Variants in C4orf51 observed in about 807,000 individuals in gnomAD.
C4orf51 encodes uncharacterized protein C4orf51.
C4orf51 carries 25 observed loss-of-function variants against 25.2 expected under a neutral mutation model. That is an observed-to-expected ratio of 0.99 (90% CI 0.72 to 1.39). The LOEUF (loss-of-function observed/expected upper bound fraction) is 1.39. Ranked by LOEUF, C4orf51 falls within the 40% of genes most tolerant of loss-of-function variation. C4orf51 has a pLI of 0.00. For missense variants in C4orf51, 252 were observed against 239.6 expected (o/e 1.05, Z -0.34); for synonymous variants, 100 against 84.5 (o/e 1.18, Z -1.01).
rs773362843 is a variant in C4orf51 at position 145,765,129 on chromosome 4, G to A, written n.167-5859G>A. Reference sequence around the variant, plus strand: ...CAGATGACGCTCAAACATGTTCTTCGTCTTGCAGACAAAGTTGCAAAAAAC... The same window carrying A: ...CAGATGACGCTCAAACATGTTCTTCATCTTGCAGACAAAGTTGCAAAAAAC... On this transcript the variant is annotated intron_variant and non_coding_transcript_variant, in intron 1 of 1. Coordinates refer to the C4orf51 transcript ENST00000510096. The surrounding 1 kb of genome is among the most constrained non-coding windows in gnomAD (Gnocchi z 4.7). The A allele has an allele frequency of 2.5e-6, 4 of 1,613,496 alleles. No individual in the cohort carries two copies. The highest frequency in any genetic ancestry group is 1.7e-6 in the Non-Finnish European group (2 of 1,179,760).
intron 1 of C4orf51, among the ~76,000 whole-genome samples, chr4:145,684,826 T>G (rs1729047607): frequency 6.6e-6 from 1 of 152,088 alleles, no homozygotes; most frequent in Non-Finnish European, 1.5e-5. Context: ...GAAGGCTGGC[T>G]TTAAATGGGA....
chr4:145,780,824 G>T, the C4orf51 span, among the ~76,000 whole-genome samples: 2 of 152,144 alleles, frequency 1.3e-5, no homozygotes, highest in African/African-American at 2.4e-5. Flanking sequence ...TCTCCTTAAA[G>T]CTCAGTACTG....
chr4:145,729,596 C>T (rs765484977), intron 4 of C4orf51, among the ~76,000 whole-genome samples: 4 of 152,136 alleles, frequency 2.6e-5, no homozygotes, highest in Admixed American at 6.6e-5. Context: ...CCACCATGCC[C>T]GGTCCTTTCA....
At chr4:145,750,375 A>C (rs1347952489) in intron 1 of C4orf51, among the ~76,000 whole-genome samples, 1 of 150,780 alleles carries the variant, frequency 6.6e-6, no homozygotes, top group Non-Finnish European at 1.5e-5. Flanking sequence ...TCATGTTTGA[A>C]GGATATTTTC....
chr4:145,730,059 G>A, intron 5 of C4orf51, 94 bp downstream of exon 5: 1 of 1,001,986 alleles, frequency 1.0e-6, no homozygotes, highest in Non-Finnish European at 1.6e-6. Context: ...AGGGGTGGTG[G>A]CCTGTGTATG....
intron 1 of C4orf51, among the ~76,000 whole-genome samples, chr4:145,743,950 A>T (rs994045061): frequency 6.6e-6 from 1 of 152,154 alleles, no homozygotes; most frequent in Non-Finnish European, 1.5e-5. Context: ...CCACAGTTAG[A>T]ATCTGTCATT....
At chr4:145,764,009 T>C (rs1436798432) in intron 1 of C4orf51, among the ~76,000 whole-genome samples, 1 of 152,112 alleles carries the variant, frequency 6.6e-6, no homozygotes, top group Non-Finnish European at 1.5e-5. Context: ...GTCTTTTCCA[T>C]CTCTCCCTTC....
At chr4:145,714,271 A>G (rs922515038) in intron 2 of C4orf51, among the ~76,000 whole-genome samples, 6 of 152,218 alleles carry the variant, frequency 3.9e-5, no homozygotes, top group African/African-American at 1.4e-4. Flanking sequence ...ATACGATGCT[A>G]TAGAGTACAT....
intron 1 of C4orf51, among the ~76,000 whole-genome samples, chr4:145,742,532 G>GTTTTTTTTTTT (rs141147414): frequency 2.9e-5 from 3 of 104,990 alleles, no homozygotes; most frequent in African/African-American, 8.2e-5. Context: ...TCTTTTTCTT[G>GTTTTTTTTTTT]TTTTTTTTTT....
chr4:145,697,092 T>C (rs1456901307), intron 2 of C4orf51, among the ~76,000 whole-genome samples: 2 of 134,102 alleles, frequency 1.5e-5, no homozygotes, highest in Non-Finnish European at 3.1e-5. Context: ...AGACCTACTC[T>C]CTTAGCAATT....
rs778266384 is a variant in C4orf51, at chr4:145,729,942, C to T, written c.478C>T (p.Arg160Ter). ...AQEALINYSR[R>*]GKGVLKHLHG... ...GGAGGCCCTGATAAACTACAGTCGA[C>T]GAGGGAAAGGTGTCCTAAAGCATGT... Residue 160 changes from arginine to a stop codon, truncating the protein, a stop_gained, in exon 5 of 6, where the codon CGA (arginine) becomes TGA (stop). Transcript: ENST00000438731. LOFTEE classifies it low-confidence loss of function (END_TRUNC). 27 of 1,613,668 alleles carry T rather than the reference C, an allele frequency of 1.7e-5. No individual in the cohort carries two copies. The highest frequency in any genetic ancestry group is 3.3e-5 in the Admixed American group (2 of 59,992).
the C4orf51 span, among the ~76,000 whole-genome samples, chr4:145,787,657 C>CT: frequency 8.5e-5 from 13 of 152,072 alleles, no homozygotes; most frequent in African/African-American, 3.1e-4. Flanking sequence ...TGCACAGGCC[C>CT]TGGGAATATG....
intron 2 of C4orf51, among the ~76,000 whole-genome samples, chr4:145,719,588 CA>C (rs57272346): frequency 3.1e-3 from 276 of 90,140 alleles, no homozygotes; most frequent in African/African-American, 9.0e-3. Flanking sequence ...GACTCTGTCT[CA>C]AAAAAAAAAA....
At chr4:145,778,059 AATTAAAAAT>A in the C4orf51 span, among the ~76,000 whole-genome samples, 2 of 152,126 alleles carry the variant, frequency 1.3e-5, no homozygotes, top group African/African-American at 4.8e-5. Flanking sequence ...TCGAATTTAA[AATTAAAAAT>A]ATTAAAAATA....
rs1489644422 is a variant in C4orf51 at position 145,696,593 on chromosome 4, C to T, written c.268C>T (p.Leu90Phe). The T allele has an allele frequency of 1.9e-6, 3 of 1,613,734 alleles. No individual in the cohort carries two copies. In the Admixed American group the frequency reaches 5.0e-5, roughly 27 times the overall value. The change falls in exon 2 of 6, where the codon CTC becomes TTC. Residue 90 changes from leucine to phenylalanine, a missense_variant. Transcript: ENST00000438731. ...GACAAACAGTTCTGCCTGTCATCTT[C>T]TCTGCTGGGCTGGTACCCAAGAGAC... is the stretch of plus-strand genomic sequence containing the variant. ...SLTNSSACHL[L>F]CWAGTQETTD... is the part of the protein sequence containing the mutation.
chr4:145,782,540 C>T, the C4orf51 span, among the ~76,000 whole-genome samples: 1 of 152,194 alleles, frequency 6.6e-6, no homozygotes, highest in Admixed American at 6.5e-5. Context: ...TCTTTCTAGA[C>T]CTCACTGCCT....
At chr4:145,711,890 A>C (rs1209899260) in intron 2 of C4orf51, among the ~76,000 whole-genome samples, 1 of 152,130 alleles carries the variant, frequency 6.6e-6, no homozygotes, top group East Asian at 1.9e-4. Context: ...GCATCAAGCA[A>C]ATCTATTGCT....
chr4:145,774,837 G>A (rs971646575), downstream of C4orf51, among the ~76,000 whole-genome samples: 19 of 152,264 alleles, frequency 1.2e-4, no homozygotes, highest in Non-Finnish European at 2.1e-4. Context: ...TGCTTTCTGG[G>A]ATGCCTCTAA....
At chr4:145,755,241 T>A (rs1341680263), downstream of C4orf51, among the ~76,000 whole-genome samples, 1 of 152,228 alleles carries the variant, frequency 6.6e-6, no homozygotes, top group Non-Finnish European at 1.5e-5. Flanking sequence ...ACGGTATGTC[T>A]TAATCACAGC....
Sources: allele counts gnomAD v4.1 joint callset (sites outside exome capture counted in the v4.1 genomes callset), GRCh38; gene constraint gnomAD v4.1.1; non-coding constraint Gnocchi (gnomAD v3.1); transcripts MANE v1.5; gene names NCBI Gene and HGNC (gene_info 2026-07-23, HGNC 2026-07-21).